The following CCDC149 variants were observed in gnomAD, a reference collection of about 807,000 sequenced individuals.
CCDC149 encodes the protein coiled-coil domain-containing protein 149.
In CCDC149, 45 loss-of-function variants were observed where a neutral mutation model predicts 59.9. The ratio of observed to expected loss-of-function variants is 0.75; its 90% CI spans 0.59 to 0.96. The LOEUF is 0.96. CCDC149 is among the 40% of genes least tolerant of loss of function. The probability of loss-of-function intolerance (pLI) is 0.00; values close to 1 mark genes in which losing one functional copy is unlikely to be tolerated. For synonymous variants in CCDC149, 245 were observed against 260.6 expected (o/e 0.94, Z 0.58); for missense variants, 584 against 664.7 (o/e 0.88, Z 1.33).
intron 1 of CCDC149, among the ~76,000 whole-genome samples, chr4:24,925,068 T>C (rs1481876213): frequency 2.6e-5 from 4 of 152,120 alleles, no homozygotes; most frequent in African/African-American, 7.2e-5. Flanking sequence ...TTAGGTACAG[T>C]TTTTTGGGTC....
intron 1 of CCDC149, 91 bp downstream of exon 1, chr4:24,912,726 C>G: frequency 3.2e-6 from 3 of 941,448 alleles, no homozygotes. Flanking sequence ...CCCCTCTCGT[C>G]CCTCCCAGCT....
chr4:24,917,691 T>C (rs146485589), upstream of CCDC149, among the ~76,000 whole-genome samples: 1,110 of 152,154 alleles, frequency 7.3e-3, 19 homozygotes, highest in African/African-American at 0.025. Context: ...AACCACAGGC[T>C]GGTGGGGAAA....
chr4:24,959,576 T>C (rs1234296517), intron 1 of CCDC149, among the ~76,000 whole-genome samples: 2 of 151,930 alleles, frequency 1.3e-5, no homozygotes, highest in African/African-American at 2.4e-5. Flanking sequence ...ACAAGAAACA[T>C]GAAGAAACCC....
At chr4:24,972,800 C>A (rs1308583006) in intron 1 of CCDC149, among the ~76,000 whole-genome samples, 2 of 152,220 alleles carry the variant, frequency 1.3e-5, no homozygotes, top group African/African-American at 2.4e-5. Context: ...ATTTGTCACA[C>A]TTTGAAATAG....
chr4:24,837,241 A>G lies in CCDC149; in HGVS notation c.649T>C (p.Cys217Arg), dbSNP rs1189637637. 6.2e-7 allele frequency: 1 copy of G among 1,614,032 alleles called. No homozygotes were observed. Among genetic ancestry groups the G allele is most frequent in the Non-Finnish European group, 8.5e-7 (1 of 1,180,020 alleles). The stretch of plus-strand genomic sequence containing the variant: ...CTGGCCACTTGCCTGTTCTCCATAC[A>G]CAGGGCGTCCACGTCAATGATGCGG... The change falls in exon 6 of 13, where the codon TGT becomes CGT. Residue 217 changes from cysteine (C) to arginine (R), a missense_variant. Cys to Arg is a radical substitution (Grantham distance 180, BLOSUM62 -3). Coordinates refer to ENST00000635206, the MANE Select transcript of CCDC149 (RefSeq NM_001330643.2). This position sits in a 1 kb window ranked among gnomAD's most constrained non-coding sequence, Gnocchi z 4.3.
chr4:24,838,204 G>A lies in CCDC149; in HGVS notation c.441C>T (p.Ala147=), dbSNP rs749992078. Reference sequence around the variant, plus strand: ...GCTGCACCAAGTCTTCACGCTCATGGGCTGCAAAGTGTCGCACGCCGATTG... The same window carrying A: ...GCTGCACCAAGTCTTCACGCTCATGAGCTGCAAAGTGTCGCACGCCGATTG... Residue 147 remains alanine (A), a synonymous_variant, in exon 5 of 13, where the codon GCC becomes GCT. Transcript: ENST00000635206. The A allele has an allele frequency of 6.2e-7, 1 of 1,614,138 alleles. No homozygotes were observed. Among genetic ancestry groups the A allele is most frequent in the South Asian group, 1.1e-5 (1 of 91,078 alleles).
intron 1 of CCDC149, among the ~76,000 whole-genome samples, chr4:24,950,827 T>G (rs1390658314): frequency 2.0e-5 from 3 of 152,234 alleles, no homozygotes; most frequent in Non-Finnish European, 2.9e-5. Flanking sequence ...GTCTGGGGCC[T>G]GTGTAGCCAC....
intron 1 of CCDC149, among the ~76,000 whole-genome samples, chr4:24,905,410 CGTGCGT>C (rs1172659200): frequency 0.012 from 1,107 of 93,750 alleles, 6 homozygotes; most frequent in South Asian, 0.019. Flanking sequence ...TTTTTGCGTG[CGTGCGT>C]GTGTGTGTGT....
chr4:24,957,528 A>T (rs1193331328), intron 1 of CCDC149, among the ~76,000 whole-genome samples: 1 of 152,226 alleles, frequency 6.6e-6, no homozygotes, highest in Non-Finnish European at 1.5e-5. Context: ...GGGCCAGTGT[A>T]CCTGGTTGTC....
chr4:24,834,042 T>C (rs567687992), intron 8 of CCDC149, among the ~76,000 whole-genome samples: 79 of 152,378 alleles, frequency 5.2e-4, no homozygotes, highest in African/African-American at 1.9e-3. Context: ...TAAACTTAGA[T>C]GGGCTACTTC....
chr4:24,930,756 C>G (rs1722563632), intron 1 of CCDC149, among the ~76,000 whole-genome samples: 1 of 152,106 alleles, frequency 6.6e-6, no homozygotes, highest in East Asian at 1.9e-4. Context: ...CAAGAGGGTT[C>G]CTGCTACTCT....
intron 1 of CCDC149, among the ~76,000 whole-genome samples, chr4:24,964,043 A>T (rs981117419): frequency 6.6e-6 from 1 of 152,130 alleles, no homozygotes; most frequent in Admixed American, 6.5e-5. Flanking sequence ...AAAAATTTTT[A>T]AAATCAGCTA....
chr4:24,890,387 G>A (rs1466370481), intron 1 of CCDC149, among the ~76,000 whole-genome samples: 4 of 152,118 alleles, frequency 2.6e-5, no homozygotes, highest in African/African-American at 9.7e-5. Context: ...GCTTGTAAGA[G>A]GCAAAGGTGG....
chr4:24,950,952 G>A (rs745956187), intron 1 of CCDC149, among the ~76,000 whole-genome samples: 1 of 152,170 alleles, frequency 6.6e-6, no homozygotes, highest in Non-Finnish European at 1.5e-5. Context: ...CTCAAATCTA[G>A]CATTTGGGAA....
chr4:24,962,253 G>T (rs4535326), intron 1 of CCDC149, among the ~76,000 whole-genome samples: 1 of 151,478 alleles, frequency 6.6e-6, no homozygotes, highest in African/African-American at 2.4e-5. Context: ...AATCAAAACC[G>T]CAATGAGATA....
chr4:24,852,574 G>A (rs975739537), intron 4 of CCDC149, among the ~76,000 whole-genome samples: 15 of 152,080 alleles, frequency 9.9e-5, no homozygotes. Flanking sequence ...TTGCCAACAG[G>A]GGAGTTTGAT....
intron 12 of CCDC149, among the ~76,000 whole-genome samples, chr4:24,813,489 A>AATATATATATATATATATATATATAT (rs57650226): frequency 8.8e-6 from 1 of 113,734 alleles, no homozygotes; most frequent in Non-Finnish European, 1.7e-5. Context: ...CAGCTTGGGG[A>AATATATATATATATATATATATATAT]ATATATATAT....
At position 24,902,948 on chromosome 4, in the gene CCDC149, C is replaced by T. The variant is rs1721254706; in HGVS notation, c.63+9869G>A. Among the ~76,000 whole-genome samples, 9 of 127,520 alleles carry T rather than the reference C, an allele frequency of 7.1e-5. No individual in the cohort carries two copies. In the South Asian group the frequency reaches 2.3e-3, roughly 33 times the overall value. The allele number at this position is 127,520 out of a possible 152,430, so 83.7% of individuals were successfully genotyped here. ...GCTGAGGCTGGAGAATCACTTGAGCCCAGGAAGCAGAGGTTGCAGTGAGCC... is the reference window on the plus strand; with the variant it reads ...GCTGAGGCTGGAGAATCACTTGAGCTCAGGAAGCAGAGGTTGCAGTGAGCC... On this transcript the variant is annotated intron_variant, in intron 1 of 12. Coordinates refer to ENST00000635206, the MANE Select transcript of CCDC149 (RefSeq NM_001330643.2).
chr4:24,886,069 A>G (rs1249485160), intron 1 of CCDC149, among the ~76,000 whole-genome samples: 1 of 152,228 alleles, frequency 6.6e-6, no homozygotes, highest in Non-Finnish European at 1.5e-5. Flanking sequence ...AACCTCAAAG[A>G]GGTAAATTTA....
Sources: gnomAD v4.1 joint callset for allele counts (sites outside exome capture counted in the v4.1 genomes callset) on GRCh38, gnomAD v4.1.1 for gene constraint, Gnocchi (gnomAD v3.1) non-coding constraint, MANE v1.5 for transcripts, NCBI Gene and HGNC (gene_info 2026-07-23, HGNC 2026-07-21) for gene names.